The following CSNK1G1 variants were observed in gnomAD, a reference collection of about 807,000 sequenced individuals.
The protein encoded by CSNK1G1 is casein kinase 1 gamma 1.
In CSNK1G1, 22 loss-of-function variants were observed where a neutral mutation model predicts 59.6. That is an observed-to-expected ratio of 0.37 (90% CI 0.26 to 0.53). CSNK1G1 has a LOEUF of 0.53. Ranked by LOEUF, CSNK1G1 falls within the 20% of genes least tolerant of loss-of-function variation. CSNK1G1 has a pLI of 0.89. For missense variants in CSNK1G1, 384 were observed against 519.5 expected, an observed-to-expected ratio of 0.74 and a Z score of 2.54; for synonymous variants, 179 against 177.1, an observed-to-expected ratio of 1.01 and a Z score of -0.08.
Position 64,216,803 on chromosome 15 carries a change from T to C in CSNK1G1, c.293-90A>G. On this transcript the variant is annotated intron_variant, in intron 4 of 11. Transcript: ENST00000303052. This position sits in a 1 kb window ranked among gnomAD's most constrained non-coding sequence, Gnocchi z 4.6. The stretch of plus-strand genomic sequence containing the variant: ...GTATTAGCACTGAATAAAATATTTT[T>C]AAAAGTACAATTTGTGAGATTTCCA... 1 of 1,198,432 alleles carries C rather than the reference T, an allele frequency of 8.3e-7. No individual in the cohort carries two copies. The allele number at this position is 1,198,432 out of a possible 1,614,324, so 74.2% of individuals were successfully genotyped here. A position where few individuals can be genotyped will look rare whatever the true frequency, so the allele number is the denominator to read the frequency against.
Position 64,203,694 on chromosome 15 carries a change from TAAAAAAAA to T in CSNK1G1, c.1000-513_1000-506del, listed in dbSNP as rs531367701. On this transcript the variant is annotated intron_variant, in intron 9 of 11. Coordinates refer to ENST00000303052, the MANE Select transcript of CSNK1G1 (RefSeq NM_022048.5). ...CCTGGGCAACAAGAGTGAAACTCCG[TAAAAAAAA>T]AAAAAAAAAAAAAAAAAATTTCCTC... Among the ~76,000 whole-genome samples, 257 of 56,178 alleles carry T rather than the reference TAAAAAAAA, an allele frequency of 4.6e-3. 2 individuals carry two copies. Among genetic ancestry groups the T allele is most frequent in the African/African-American group, 0.019 (247 of 12,954 alleles). The allele number at this position is 56,178 out of a possible 152,430, so 36.9% of individuals were successfully genotyped here. A position where few individuals can be genotyped will look rare whatever the true frequency, so the allele number is the denominator to read the frequency against.
Position 64,216,631 on chromosome 15 carries a change from C to T in CSNK1G1, c.375G>A (p.Leu125=). 6.2e-7 allele frequency: 1 copy of T among 1,613,892 alleles called. No homozygotes were observed. The highest frequency in any genetic ancestry group is 8.5e-7 in the Non-Finnish European group (1 of 1,179,840). The change falls in exon 5 of 12, where the codon TTG becomes TTA. Residue 125 remains leucine, a synonymous_variant. Transcript: ENST00000303052. The surrounding 1 kb of genome is among the most constrained non-coding windows in gnomAD (Gnocchi z 4.6). ...AMVLELLGPS[L]EDLFDLCDRT... ...GGTCACAGAGGTCAAACAAGTCCTC[C>T]AAGCTAGGGCCAAGGAGCTCCAGCA... is the stretch of plus-strand genomic sequence containing the variant.
At chr15:64,206,302 T>C (rs1455328324) in intron 7 of CSNK1G1, among the ~76,000 whole-genome samples, 3 of 151,974 alleles carry the variant, frequency 2.0e-5, no homozygotes, top group African/African-American at 7.3e-5. Flanking sequence ...TAGCCGGGTG[T>C]GGTGGCGTGT....
chr15:64,256,456 T>C (rs1449034653), intron 3 of CSNK1G1, among the ~76,000 whole-genome samples: 1 of 152,230 alleles, frequency 6.6e-6, no homozygotes, highest in African/African-American at 2.4e-5. Context: ...GGTCTTATTA[T>C]GAAGACTGAG....
At chr15:64,226,213 T>C (rs1246138945) in intron 4 of CSNK1G1, among the ~76,000 whole-genome samples, 4 of 152,126 alleles carry the variant, frequency 2.6e-5, no homozygotes, top group Non-Finnish European at 5.9e-5. Context: ...TAAAAGTGTG[T>C]TGTGTATTGG....
chr15:64,338,715 A>AC (rs1371717631), intron 1 of CSNK1G1, among the ~76,000 whole-genome samples: 24 of 135,034 alleles, frequency 1.8e-4, no homozygotes, highest in African/African-American at 6.5e-4. Context: ...AAAAAAAAAA[A>AC]AAAAAAAAAA....
rs77750071 is a variant in CSNK1G1 at position 64,188,137 on chromosome 15, G to A, written c.1108-7683C>T. Reference sequence around the variant, plus strand: ...GAATGCATCAAGGTGGTAGGACTAGGTTAACCAGAAATCAGTATCAGAAAT... The same window carrying A: ...GAATGCATCAAGGTGGTAGGACTAGATTAACCAGAAATCAGTATCAGAAAT... On this transcript the variant is annotated intron_variant, in intron 10 of 11. Transcript: ENST00000303052. The surrounding 1 kb of genome is among the most constrained non-coding windows in gnomAD (Gnocchi z 4.2). 3.0e-3 allele frequency among the ~76,000 whole-genome samples: 462 copies of A among 151,644 alleles called. 1 individual carries two copies. The highest frequency in any genetic ancestry group is 0.011 in the African/African-American group (445 of 41,404).
chr15:64,274,909 T>TA (rs1395263814), intron 2 of CSNK1G1, among the ~76,000 whole-genome samples: 4 of 152,164 alleles, frequency 2.6e-5, no homozygotes, highest in Non-Finnish European at 5.9e-5. Context: ...CTAGAACTTG[T>TA]AAAAAATCCA....
At position 64,201,014 on chromosome 15, in the gene CSNK1G1, G is replaced by A. The variant is rs1160904842; in HGVS notation, c.1107+2068C>T. ...TAGCCAGGCACAGTGGCTCACGCCT[G>A]TAATCCCAGTACTTTGGGAGGCCGA... On this transcript the variant is annotated intron_variant, in intron 10 of 11. Coordinates refer to ENST00000303052, the MANE Select transcript of CSNK1G1 (RefSeq NM_022048.5). Among the ~76,000 whole-genome samples, 6 of 152,166 alleles carry A rather than the reference G, an allele frequency of 3.9e-5. No homozygotes were observed. In the South Asian group the frequency reaches 6.2e-4, roughly 16 times the overall value.
At chr15:64,270,636 T>C (rs937488078) in intron 2 of CSNK1G1, among the ~76,000 whole-genome samples, 1 of 151,960 alleles carries the variant, frequency 6.6e-6, no homozygotes, top group Non-Finnish European at 1.5e-5. Flanking sequence ...GGCAGGCGCC[T>C]GTAGTCCCAG....
At chr15:64,186,847 G>A (rs1187865728) in intron 10 of CSNK1G1, among the ~76,000 whole-genome samples, 3 of 150,978 alleles carry the variant, frequency 2.0e-5, no homozygotes, top group Admixed American at 6.6e-5. Flanking sequence ...TTTTTGAGAC[G>A]GAATCTCAGT....
At chr15:64,259,929 C>G (rs1416864178) in intron 2 of CSNK1G1, among the ~76,000 whole-genome samples, 1 of 152,144 alleles carries the variant, frequency 6.6e-6, no homozygotes, top group Non-Finnish European at 1.5e-5. Flanking sequence ...CCTATTTCTA[C>G]AAATGTAATC....
intron 1 of CSNK1G1, among the ~76,000 whole-genome samples, chr15:64,306,975 G>A (rs966942110): frequency 3.0e-5 from 4 of 132,080 alleles, no homozygotes; most frequent in Non-Finnish European, 6.4e-5. Context: ...CAGATATTGT[G>A]GGTGGGGAGG....
At position 64,219,777 on chromosome 15, in the gene CSNK1G1, C is replaced by CTTTT. The variant is rs750402203; in HGVS notation, c.293-3068_293-3065dup. On this transcript the variant is annotated intron_variant, in intron 4 of 11. Coordinates refer to ENST00000303052, the MANE Select transcript of CSNK1G1 (RefSeq NM_022048.5). ...TCTTTTTTTCTTTTTCTTTTCTTTT[C>CTTTT]TTTTTTTTTTTTTTTGAGACAGAGT... 8.1e-5 allele frequency among the ~76,000 whole-genome samples: 11 copies of CTTTT among 136,300 alleles called. 1 individual carries two copies. Among genetic ancestry groups the CTTTT allele is most frequent in the African/African-American group, 2.2e-4 (8 of 35,628 alleles). The allele number at this position is 136,300 out of a possible 152,430, so 89.4% of individuals were successfully genotyped here.
At chr15:64,208,839 G>A (rs148962207) in intron 6 of CSNK1G1, among the ~76,000 whole-genome samples, 1,876 of 151,620 alleles carry the variant, frequency 0.012, 28 homozygotes, top group African/African-American at 0.044. Context: ...CCCAGTCCAT[G>A]CATTCATTTT....
chr15:64,332,981 G>A (rs1418268248), intron 1 of CSNK1G1, among the ~76,000 whole-genome samples: 1 of 152,160 alleles, frequency 6.6e-6, no homozygotes, highest in Non-Finnish European at 1.5e-5. Flanking sequence ...GACTAGCTGG[G>A]AGCAGTGGCC....
chr15:64,238,991 A>G (rs2082658482), intron 4 of CSNK1G1, among the ~76,000 whole-genome samples: 1 of 152,120 alleles, frequency 6.6e-6, no homozygotes, highest in South Asian at 2.1e-4. Flanking sequence ...ACTACCAAAA[A>G]ACTCTATACC....
intron 10 of CSNK1G1, among the ~76,000 whole-genome samples, chr15:64,197,213 C>T (rs1269112137): frequency 6.6e-6 from 1 of 152,208 alleles, no homozygotes; most frequent in Non-Finnish European, 1.5e-5. Context: ...TCTTCTTTCT[C>T]CTTCTACTGT....
chr15:64,312,424 A>G (rs894236744), intron 1 of CSNK1G1, among the ~76,000 whole-genome samples: 1 of 152,262 alleles, frequency 6.6e-6, no homozygotes, highest in African/African-American at 2.4e-5. Context: ...CCAATGGAAC[A>G]GAACAGTGGC....
Sources: allele counts gnomAD v4.1 joint callset (sites outside exome capture counted in the v4.1 genomes callset), GRCh38; gene constraint gnomAD v4.1.1; non-coding constraint Gnocchi (gnomAD v3.1); transcripts MANE v1.5; gene names NCBI Gene and HGNC (gene_info 2026-07-23, HGNC 2026-07-21).